The following ABCC9 variants were observed in gnomAD, a reference collection of about 807,000 sequenced individuals.
ABCC9 encodes the protein ATP binding cassette subfamily C member 9.
A neutral mutation model predicts 188.3 loss-of-function variants in ABCC9; 95 were observed. The observed-to-expected ratio is 0.50, with a 90% confidence interval of 0.43 to 0.60. ABCC9 has a LOEUF of 0.60. Among genes scored for constraint, ABCC9 ranks in the 20% least tolerant of loss-of-function variants. ABCC9 has a pLI of 0.00. For synonymous variants in ABCC9, 659 were observed against 652.7 expected (o/e 1.01, Z -0.15); for missense variants, 1,102 against 1,876.3 (o/e 0.59, Z 7.62).
intron 22 of ABCC9, among the ~76,000 whole-genome samples, chr12:21,859,195 T>A (rs958647305): frequency 6.6e-6 from 1 of 152,178 alleles, no homozygotes; most frequent in South Asian, 2.1e-4. Flanking sequence ...AGCACTGGAA[T>A]GGGGTACTAC....
At chr12:21,897,026 A>G (rs1195206976) in intron 12 of ABCC9, among the ~76,000 whole-genome samples, 2 of 152,200 alleles carry the variant, frequency 1.3e-5, no homozygotes, top group Non-Finnish European at 2.9e-5. Flanking sequence ...GAACTAATTT[A>G]CATTCCCATC....
intron 30 of ABCC9, among the ~76,000 whole-genome samples, chr12:21,830,660 G>A (rs1943702556): frequency 6.6e-6 from 1 of 152,174 alleles, no homozygotes. Flanking sequence ...CAATCAATCT[G>A]ATCATTCCAA....
At position 21,933,839 on chromosome 12, in the gene ABCC9, G is replaced by C. The variant is rs745330137; in HGVS notation, c.227C>G (p.Thr76Arg). Residue 76 changes from threonine to arginine, a missense_variant, in exon 4 of 40, where the codon ACA (threonine) becomes AGA (arginine). By Grantham distance (71) the Thr-to-Arg change is moderately conservative. Transcript: ENST00000261200. ...GACATGCACAAACAGGAGAGCGAAT[G>C]TAAGAATCCATCTCAGGTTATGTCC... ...FPGHNLRWIL[T>R]FALLFVHVCE... The C allele has an allele frequency of 1.2e-6, 2 of 1,613,682 alleles. No individual in the cohort carries two copies. The highest frequency in any genetic ancestry group is 1.7e-6 in the Non-Finnish European group (2 of 1,179,676).
At chr12:21,823,576 C>T (rs1013183072) in intron 31 of ABCC9, among the ~76,000 whole-genome samples, 6 of 152,180 alleles carry the variant, frequency 3.9e-5, no homozygotes, top group Non-Finnish European at 8.8e-5. Context: ...CCTGTTGACT[C>T]TAAAGTATTT....
Position 21,836,915 on chromosome 12 carries a change from T to A in ABCC9, c.3566+1163A>T, listed in dbSNP as rs796291125. On this transcript the variant is annotated intron_variant, in intron 30 of 39. Transcript: ENST00000261200. The stretch of plus-strand genomic sequence containing the variant: ...TAAAAAGGACAACATGGCAGGTGTA[T>A]GTGGGGAGGATGTGGGGAGGGAGGG... Among the ~76,000 whole-genome samples the A allele has an allele frequency of 2.0e-5, 3 of 152,010 alleles. 1 individual carries two copies. The highest frequency in any genetic ancestry group is 3.8e-4 in the East Asian group (2 of 5,198).
rs1357942810 is a variant in ABCC9, at chr12:21,895,335, G to A, written c.1619-20C>T. ...TGAAGACTGTGGAAAGAAATAAAAT[G>A]CATTAGTTTCATTGAACTGTGAAAA... On this transcript the variant is annotated intron_variant, in intron 12 of 39. Transcript: ENST00000261200. The A allele has an allele frequency of 6.2e-7, 1 of 1,607,566 alleles. No individual in the cohort carries two copies. The highest frequency in any genetic ancestry group is 1.7e-5 in the Admixed American group (1 of 59,948).
chr12:21,906,134 G>A lies in ABCC9; in HGVS notation c.1610C>T (p.Ser537Leu). 1.2e-6 allele frequency: 2 copies of A among 1,612,924 alleles called. No individual in the cohort carries two copies. Among genetic ancestry groups the A allele is most frequent in the Non-Finnish European group, 1.7e-6 (2 of 1,179,124 alleles). The change falls in exon 12 of 40, where the codon TCA (serine) becomes TTA (leucine). Residue 537 changes from serine (S) to leucine (L), a missense_variant. Physicochemically the swap from Ser to Leu is moderately radical, Grantham distance 145. Around this residue, in one of 12 missense-constraint regions of ABCC9, gnomAD observed 258 missense variants for 325.6 expected, o/e 0.79. Coordinates refer to ENST00000261200, the MANE Select transcript of ABCC9 (RefSeq NM_020297.4). ...SSLKTFALYT[S>L]LSIFMNAAIP... Reference sequence around the variant, plus strand: ...GAGCAACAGCAACTTACTGGAGAGTGATGTATATAGTGCAAAGGTTTTGAG... The same window carrying A: ...GAGCAACAGCAACTTACTGGAGAGTAATGTATATAGTGCAAAGGTTTTGAG...
chr12:21,882,827 T>A lies in ABCC9; in HGVS notation c.1958A>T (p.Asp653Val). Residue 653 changes from aspartate to valine, a missense_variant, in exon 16 of 40, where the codon GAC becomes GTC. By Grantham distance (152) the Asp-to-Val change is radical (BLOSUM62 -3). Coordinates refer to ENST00000261200, the MANE Select transcript of ABCC9 (RefSeq NM_020297.4). ...NRKQPGRYHL[D>V]SYEQSTRRLR... ...ACGCCGTGTTGATTGCTCATAGCTG[T>A]CCAGGTGATATCTTCCAGGCTGTTT... 2.5e-6 allele frequency: 4 copies of A among 1,614,114 alleles called. No individual in the cohort carries two copies. Among genetic ancestry groups the A allele is most frequent in the African/African-American group, 1.3e-5 (1 of 75,046 alleles).
intron 5 of ABCC9, 23 bp from the exon 6 acceptor site, chr12:21,917,126 A>G: frequency 6.2e-7 from 1 of 1,611,420 alleles, no homozygotes; most frequent in Non-Finnish European, 8.5e-7. Flanking sequence ...AGACAAAAAG[A>G]GAAAGATGCA....
At chr12:21,810,697 C>T (rs1942176743) in intron 36 of ABCC9, among the ~76,000 whole-genome samples, 1 of 152,036 alleles carries the variant, frequency 6.6e-6, no homozygotes, top group Admixed American at 6.6e-5. Context: ...ATTATGGCAA[C>T]TACAATTCAA....
Position 21,936,523 on chromosome 12 carries a change from G to T in ABCC9, c.142+10C>A, listed in dbSNP as rs138917284. The T allele has an allele frequency of 3.2e-5, 51 of 1,605,948 alleles. No individual in the cohort carries two copies. The African/African-American group carries it at 5.5e-4, about 17-fold the overall frequency. On this transcript the variant is annotated intron_variant, in intron 3 of 39. Transcript: ENST00000261200. ...TCAAATGGTATAACATAAGATACTA[G>T]ATTACTTACCAATAAACAATATTGG...
intron 4 of ABCC9, among the ~76,000 whole-genome samples, chr12:21,928,169 G>A (rs1204597174): frequency 6.7e-6 from 1 of 150,214 alleles, no homozygotes; most frequent in Non-Finnish European, 1.5e-5. Flanking sequence ...GCAGTGAACC[G>A]AGATCACGCG....
At chr12:21,874,522 G>A (rs550143869) in intron 17 of ABCC9, among the ~76,000 whole-genome samples, 3 of 152,266 alleles carry the variant, frequency 2.0e-5, no homozygotes, top group Admixed American at 1.3e-4. Flanking sequence ...TTATGCAAGC[G>A]AATCAGAATT....
chr12:21,838,388 G>A lies in ABCC9; in HGVS notation c.3474-218C>T, dbSNP rs375315879. On this transcript the variant is annotated intron_variant, in intron 29 of 39. Transcript: ENST00000261200. The stretch of plus-strand genomic sequence containing the variant: ...AATACAGGTAGAGGCTGAACATAAT[G>A]TGTTGTACAAAACTATCATCTCTGT... Among the ~76,000 whole-genome samples, 43 of 152,274 alleles carry A rather than the reference G, an allele frequency of 2.8e-4. 1 individual carries two copies. In the South Asian group the frequency reaches 8.5e-3, roughly 30 times the overall value.
intron 31 of ABCC9, among the ~76,000 whole-genome samples, chr12:21,820,928 A>G (rs985515715): frequency 3.3e-5 from 5 of 152,176 alleles, no homozygotes; most frequent in African/African-American, 1.2e-4. Flanking sequence ...ATCTACTCTC[A>G]TTAGAATCTA....
Position 21,915,514 on chromosome 12 carries a change from A to ATATATATATATTTTTTTTTTTT in ABCC9, c.816+153_816+154insAAAAAAAAAAAATATATATATA. Among the ~76,000 whole-genome samples, 9 of 3,520 alleles carry ATATATATATATTTTTTTTTTTT rather than the reference A, an allele frequency of 2.6e-3. 1 individual carries two copies. The highest frequency in any genetic ancestry group is 3.3e-3 in the Non-Finnish European group (7 of 2,144). 2.3% of individuals were successfully genotyped at this position (3,520 alleles called of 152,430 possible). A position where few individuals can be genotyped will look rare whatever the true frequency, so the allele number is the denominator to read the frequency against. ...TGTGTGTGTGTGTATATATATATAT[A>ATATATATATATTTTTTTTTTTT]TTTTTTTTTTTTTTTTGAGACAGAG... On this transcript the variant is annotated intron_variant, in intron 7 of 39. Coordinates refer to ENST00000261200, the MANE Select transcript of ABCC9 (RefSeq NM_020297.4).
intron 13 of ABCC9, 61 bp from the exon 14 acceptor site, chr12:21,894,235 C>T: frequency 7.6e-6 from 12 of 1,580,610 alleles, no homozygotes; most frequent in Non-Finnish European, 1.0e-5. Flanking sequence ...TGCGTACATT[C>T]AGTCCTAGAA....
intron 16 of ABCC9, among the ~76,000 whole-genome samples, chr12:21,876,782 C>A (rs1349114954): frequency 5.3e-5 from 8 of 152,122 alleles, no homozygotes; most frequent in Non-Finnish European, 1.5e-5. Flanking sequence ...TATTTCAAAA[C>A]CATAAATGAA....
intron 34 of ABCC9, among the ~76,000 whole-genome samples, chr12:21,815,497 G>C (rs1942548109): frequency 6.6e-6 from 1 of 152,076 alleles, no homozygotes; most frequent in Non-Finnish European, 1.5e-5. Context: ...ATGGCCAGGA[G>C]TCAGAAGACA....
Sources: gnomAD v4.1 joint callset for allele counts (sites outside exome capture counted in the v4.1 genomes callset) on GRCh38, gnomAD v4.1.1 for gene constraint, gnomAD v4.1.1 regional missense constraint, MANE v1.5 for transcripts, NCBI Gene and HGNC (gene_info 2026-07-23, HGNC 2026-07-21) for gene names.